CHFR: variants seen among roughly 807,000 people sequenced by gnomAD.
CHFR encodes the protein checkpoint with forkhead and ring finger domains.
Under a neutral mutation model 87.6 loss-of-function variants are expected in CHFR, and 57 were observed. The observed-to-expected ratio is 0.65, with a 90% CI of 0.53 to 0.81. The LOEUF is 0.81. Among genes scored for constraint, CHFR ranks in the 30% least tolerant of loss-of-function variants. The pLI, the probability that CHFR is intolerant of heterozygous loss-of-function variation, is 0.00. For synonymous variants in CHFR, 381 were observed against 359.2 expected, an observed-to-expected ratio of 1.06 and a Z score of -0.69; for missense variants, 797 against 865.8, an observed-to-expected ratio of 0.92 and a Z score of 1.00.
chr12:132,859,912 G>C (rs1175934918), intron 7 of CHFR, among the ~76,000 whole-genome samples: 1 of 152,104 alleles, frequency 6.6e-6, no homozygotes, highest in Non-Finnish European at 1.5e-5. Flanking sequence ...AGCTATGGTA[G>C]CGTGCACCTG....
At position 132,841,527 on chromosome 12, in the gene CHFR, T is replaced by C; in HGVS notation, c.*27A>G. The C allele has an allele frequency of 6.3e-7, 1 of 1,596,352 alleles. No individual in the cohort carries two copies. Among genetic ancestry groups the C allele is most frequent in the Non-Finnish European group, 8.6e-7 (1 of 1,163,834 alleles). On this transcript the variant is annotated 3_prime_UTR_variant, in exon 18 of 18. Transcript: ENST00000450056. The stretch of plus-strand genomic sequence containing the variant: ...AACACGCTCTCTTCACCTCCAGTGC[T>C]GAAAGCTGCTCAGGGCCTCTGGATG...
At chr12:132,886,206 G>A (rs184540886) in intron 2 of CHFR, among the ~76,000 whole-genome samples, 6 of 152,126 alleles carry the variant, frequency 3.9e-5, no homozygotes, top group African/African-American at 1.2e-4. Flanking sequence ...CAGCTACTCC[G>A]AGGCTGAGGC....
rs1950648608 is a variant in CHFR, at chr12:132,836,603, A to G, written c.*4951T>C. On this transcript the variant is annotated 3_prime_UTR_variant, in exon 18 of 18. Coordinates refer to ENST00000450056, the MANE Select transcript of CHFR (RefSeq NM_001161346.2). ...GCGCACGGCACTCACTCCTGGTCTG[A>G]CTGGCCTTCAACATTCTCTCCTGAG... 6.6e-6 allele frequency: 3 copies of G among 454,888 alleles called. No homozygotes were observed. The highest frequency in any genetic ancestry group is 4.7e-5 in the South Asian group (3 of 64,488). 28.2% of individuals were successfully genotyped at this position (454,888 alleles called of 1,614,324 possible). A position where few individuals can be genotyped will look rare whatever the true frequency, so the allele number is the denominator to read the frequency against.
chr12:132,881,940 G>A (rs1003720736), intron 2 of CHFR, among the ~76,000 whole-genome samples: 4 of 151,076 alleles, frequency 2.6e-5, no homozygotes, highest in South Asian at 4.2e-4. Context: ...TGGAACTCTC[G>A]TACTGTGCTG....
chr12:132,887,054 AC>A, intron 2 of CHFR, 141 bp downstream of exon 2: 1 of 656,214 alleles, frequency 1.5e-6, no homozygotes, highest in Non-Finnish European at 2.4e-6. Context: ...TGGGCAGAAC[AC>A]CGAATAAATA....
At chr12:132,861,382 C>T in intron 7 of CHFR, 85 bp downstream of exon 7, 1 of 1,388,598 alleles carries the variant, frequency 7.2e-7, no homozygotes, top group Non-Finnish European at 1.0e-6. Flanking sequence ...GGAAGCAATG[C>T]CCCACAGCAC....
chr12:132,869,910 G>T, intron 5 of CHFR, 112 bp from the exon 6 acceptor site: 1 of 1,277,668 alleles, frequency 7.8e-7, no homozygotes, highest in Non-Finnish European at 1.1e-6. Context: ...ATGCTCTTAA[G>T]AATGCAACAG....
At position 132,851,694 on chromosome 12, in the gene CHFR, C is replaced by G. The variant is rs116286061; in HGVS notation, c.1416G>C (p.Leu472=). 1.9e-6 allele frequency: 3 copies of G among 1,613,442 alleles called. No individual in the cohort carries two copies. The highest frequency in any genetic ancestry group is 2.5e-6 in the Non-Finnish European group (3 of 1,179,932). Reference sequence around the variant, plus strand: ...GCATGGGCTGGAAGCAGCAGGTGCACAGGGCGTGGCTTCCTTGCAGAGGGC... The same window carrying G: ...GCATGGGCTGGAAGCAGCAGGTGCAGAGGGCGTGGCTTCCTTGCAGAGGGC... The part of the protein sequence containing the change: ...YVCPLQGSHA[L]CTCCFQPMPD... Residue 472 remains leucine, a synonymous_variant, in exon 12 of 18, where the codon CTG becomes CTC. Coordinates refer to ENST00000450056, the MANE Select transcript of CHFR (RefSeq NM_001161346.2).
chr12:132,887,233 G>T lies in CHFR; in HGVS notation c.96C>A (p.Leu32=). The T allele has an allele frequency of 6.6e-7, 1 of 1,504,280 alleles. No homozygotes were observed. The highest frequency in any genetic ancestry group is 8.8e-7 in the Non-Finnish European group (1 of 1,133,276). 93.2% of individuals were successfully genotyped at this position (1,504,280 alleles called of 1,614,324 possible). The change falls in exon 2 of 18, where the codon CTC becomes CTA. Residue 32 remains leucine (L), a synonymous_variant. Transcript: ENST00000450056. ...CGATGGTCCACTCCCGCTTCCTCAG[G>T]AGGACGTGCGGCTCGCCCTCCTCCG... ...LGAEEGEPHV[L]LRKREWTIGR... is the part of the protein sequence containing the mutation.
intron 5 of CHFR, among the ~76,000 whole-genome samples, chr12:132,870,019 A>G (rs1395459734): frequency 6.6e-6 from 1 of 151,690 alleles, no homozygotes; most frequent in Non-Finnish European, 1.5e-5. Flanking sequence ...GACCAGCCTG[A>G]CCAACATGGT....
At position 132,832,685 on chromosome 12, in the gene CHFR, GA is replaced by G. The variant is rs1414291920; in HGVS notation, c.*8868del. On this transcript the variant is annotated 3_prime_UTR_variant, in exon 18 of 18. Transcript: ENST00000450056. ...AAATTTAAATACAGTTAGAAACAAT[GA>G]ATCTAATCATATACTAAGTTGATGG... is the stretch of plus-strand genomic sequence containing the variant. 1 of 152,204 alleles carries G rather than the reference GA, an allele frequency of 6.6e-6. No homozygotes were observed. The highest frequency in any genetic ancestry group is 2.4e-5 in the African/African-American group (1 of 41,456). The allele number at this position is 152,204 out of a possible 1,614,324, so 9.4% of individuals were successfully genotyped here.
intron 6 of CHFR, chr12:132,866,592 GAAAGTTACA>G: frequency 1.2e-5 from 1 of 82,570 alleles, no homozygotes; most frequent in South Asian, 5.2e-4. Context: ...CAACACACCA[GAAAGTTACA>G]ACACACCAGA....
Position 132,887,215 on chromosome 12 carries a change from C to G in CHFR, c.114G>C (p.Trp38Cys). 1 of 1,500,028 alleles carries G rather than the reference C, an allele frequency of 6.7e-7. No individual in the cohort carries two copies. The highest frequency in any genetic ancestry group is 2.8e-5 in the East Asian group (1 of 35,140). 92.9% of individuals were successfully genotyped at this position (1,500,028 alleles called of 1,614,324 possible). The change falls in exon 2 of 18, where the codon TGG (tryptophan) becomes TGC (cysteine). Residue 38 changes from tryptophan to cysteine, a missense_variant. This residue lies in a region of CHFR where 597 missense variants were observed against 601.2 expected (regional missense o/e 0.99). Coordinates refer to ENST00000450056, the MANE Select transcript of CHFR (RefSeq NM_001161346.2). ...CCGCACCTCGTCTCCGCCCGATGGT[C>G]CACTCCCGCTTCCTCAGGAGGACGT... ...EPHVLLRKRE[W>C]TIGRRRGCDL...
intron 1 of CHFR, 42 bp from the exon 2 acceptor site, chr12:132,887,382 A>C (rs1396161843): frequency 1.6e-6 from 2 of 1,251,088 alleles, no homozygotes; most frequent in Non-Finnish European, 2.0e-6. Flanking sequence ...TCCCGACCCC[A>C]GAGGCCGAGA....
chr12:132,841,432 C>A lies in CHFR; in HGVS notation c.*122G>T, dbSNP rs1435059615. ...AGAAGAGTCACCCCAGAGCACCTGT[C>A]GGAGACCCTGCGTCCCTTCCCTCAG... On this transcript the variant is annotated 3_prime_UTR_variant, in exon 18 of 18. Coordinates refer to ENST00000450056, the MANE Select transcript of CHFR (RefSeq NM_001161346.2). 7 of 849,468 alleles carry A rather than the reference C, an allele frequency of 8.2e-6. No individual in the cohort carries two copies. Among genetic ancestry groups the A allele is most frequent in the South Asian group, 1.4e-5 (1 of 71,468 alleles). The allele number at this position is 849,468 out of a possible 1,614,324, so 52.6% of individuals were successfully genotyped here.
intron 6 of CHFR, among the ~76,000 whole-genome samples, chr12:132,863,585 T>G (rs867772034): frequency 1.3e-5 from 2 of 152,024 alleles, no homozygotes; most frequent in African/African-American, 2.4e-5. Context: ...AGTGGAGGGA[T>G]GCATAGCTTC....
At chr12:132,866,740 A>C (rs1044597769) in intron 6 of CHFR, 4 of 152,276 alleles carry the variant, frequency 2.6e-5, no homozygotes, top group African/African-American at 7.2e-5. Flanking sequence ...GGAATGTTAC[A>C]ACACACTGGA....
rs368559901 is a variant in CHFR, at chr12:132,851,840, G to C, written c.1373-103C>G. ...GCACAGCGAGGAGAGGTGCACCTGA[G>C]ACAGCCGGGGAAGAAGCAGACCTGC... On this transcript the variant is annotated intron_variant, in intron 11 of 17. Coordinates refer to ENST00000450056, the MANE Select transcript of CHFR (RefSeq NM_001161346.2). 140 of 1,382,868 alleles carry C rather than the reference G, an allele frequency of 1.0e-4. No individual in the cohort carries two copies. In the East Asian group the frequency reaches 1.4e-3, roughly 14 times the overall value. 85.7% of individuals were successfully genotyped at this position (1,382,868 alleles called of 1,614,324 possible).
At chr12:132,874,684 C>T (rs1374107011) in intron 3 of CHFR, among the ~76,000 whole-genome samples, 1 of 142,892 alleles carries the variant, frequency 7.0e-6, no homozygotes, top group African/African-American at 2.6e-5. Flanking sequence ...GGACCAGCAC[C>T]CAGCGCGAGG....
Sources: gnomAD v4.1 joint callset for allele counts (sites outside exome capture counted in the v4.1 genomes callset) on GRCh38, gnomAD v4.1.1 for gene constraint, gnomAD v4.1.1 regional missense constraint, MANE v1.5 for transcripts, NCBI Gene and HGNC (gene_info 2026-07-23, HGNC 2026-07-21) for gene names.